Variants in PLAA observed in about 807,000 individuals in gnomAD.
PLAA encodes phospholipase A-2-activating protein.
In PLAA, 48 loss-of-function variants were observed where a neutral mutation model predicts 84.1. That is an observed-to-expected ratio of 0.57 (90% CI 0.45 to 0.73). The LOEUF is 0.73. Among genes scored for constraint, PLAA ranks in the 30% least tolerant of loss-of-function variants. The pLI, the probability that PLAA is intolerant of heterozygous loss-of-function variation, is 0.00. For synonymous variants in PLAA, 392 were observed against 336.6 expected (o/e 1.16, Z -1.80); for missense variants, 903 against 954.7 (o/e 0.95, Z 0.71).
chr9:26,915,188 G>T (rs1230251864), intron 10 of PLAA, among the ~76,000 whole-genome samples: 2 of 150,740 alleles, frequency 1.3e-5, no homozygotes, highest in African/African-American at 4.9e-5. Context: ...CTCCAGCCTG[G>T]GCAAGAAGAA....
In PLAA at chr9:26,916,555, T is replaced by C. The variant is rs926138908; in HGVS notation, c.1486+542A>G. ...TAGTTGGGTGGAATGTCTCCTTCCA[T>C]GTTAAGTCAAAATATGCCTGGGGAG... On this transcript the variant is annotated intron_variant, in intron 10 of 13. Coordinates refer to ENST00000397292, the MANE Select transcript of PLAA (RefSeq NM_001031689.3). 2.1e-5 allele frequency: 21 copies of C among 987,116 alleles called. No individual in the cohort carries two copies. The African/African-American group carries it at 3.3e-4, about 16-fold the overall frequency. 61.1% of individuals were successfully genotyped at this position (987,116 alleles called of 1,614,324 possible).
intron 7 of PLAA, among the ~76,000 whole-genome samples, chr9:26,920,650 G>C (rs564817236): frequency 6.6e-6 from 1 of 152,274 alleles, no homozygotes; most frequent in East Asian, 1.9e-4. Flanking sequence ...AGTTTTATTA[G>C]TGAATATATC....
At chr9:26,906,945 C>A (rs1228410717) in intron 13 of PLAA, among the ~76,000 whole-genome samples, 2 of 149,274 alleles carry the variant, frequency 1.3e-5, no homozygotes, top group Non-Finnish European at 3.0e-5. Context: ...AAAAAAAACA[C>A]CTACTGAACC....
chr9:26,938,554 TAAAA>T (rs34448526), intron 1 of PLAA, among the ~76,000 whole-genome samples: 2 of 114,636 alleles, frequency 1.7e-5, no homozygotes, highest in African/African-American at 3.3e-5. Flanking sequence ...CACCATTTCT[TAAAA>T]AAAAAAAAAA....
chr9:26,919,122 T>C lies in PLAA; in HGVS notation c.1417+188A>G, dbSNP rs147277959. 4.2e-3 allele frequency: 1,776 copies of C among 422,804 alleles called. 19 individuals carry two copies. Among genetic ancestry groups the C allele is most frequent in the African/African-American group, 0.031 (1,569 of 50,048 alleles). The allele number at this position is 422,804 out of a possible 1,614,324, so 26.2% of individuals were successfully genotyped here. Reference sequence around the variant, plus strand: ...ATTGTATTTTTGAAAGACAACAATTTACTATTATTTCTGTAAAATACAGAA... The same window carrying C: ...ATTGTATTTTTGAAAGACAACAATTCACTATTATTTCTGTAAAATACAGAA... On this transcript the variant is annotated intron_variant, in intron 9 of 13. Transcript: ENST00000397292.
At chr9:26,919,839 T>G (rs559754297) in intron 8 of PLAA, among the ~76,000 whole-genome samples, 1 of 152,218 alleles carries the variant, frequency 6.6e-6, no homozygotes, top group Non-Finnish European at 1.5e-5. Context: ...CAGCTGTTAC[T>G]GTGCCCTACT....
chr9:26,908,370 A>G (rs527874373), intron 12 of PLAA, among the ~76,000 whole-genome samples: 1 of 151,622 alleles, frequency 6.6e-6, no homozygotes, highest in Non-Finnish European at 1.5e-5. Flanking sequence ...GTTTCACCAC[A>G]TTAGCCAGGA....
intron 11 of PLAA, among the ~76,000 whole-genome samples, chr9:26,911,697 T>A (rs903601534): frequency 6.6e-6 from 1 of 152,198 alleles, no homozygotes; most frequent in Non-Finnish European, 1.5e-5. Context: ...TCAGCAATAT[T>A]CAATAAATAA....
At chr9:26,913,500 C>T (rs944044279) in intron 11 of PLAA, among the ~76,000 whole-genome samples, 1 of 152,152 alleles carries the variant, frequency 6.6e-6, no homozygotes, top group African/African-American at 2.4e-5. Flanking sequence ...TGAGAATAAA[C>T]ACAGACTTTG....
intron 13 of PLAA, 161 bp downstream of exon 13, chr9:26,907,673 A>G (rs1824279156): frequency 5.3e-6 from 3 of 563,582 alleles, no homozygotes; most frequent in Non-Finnish European, 6.1e-6. Flanking sequence ...CAAGATCATC[A>G]ATTCCAGTAG....
In PLAA at chr9:26,926,009, A is replaced by C. The variant is rs754104141; in HGVS notation, c.734-49T>G. The stretch of plus-strand genomic sequence containing the variant: ...TATTAGTTTGAATAAAATTAAGTAC[A>C]TTTATACATACCATCTTTCTAGATA... On this transcript the variant is annotated intron_variant, in intron 5 of 13. Transcript: ENST00000397292. 1.4e-5 allele frequency: 20 copies of C among 1,430,868 alleles called. 1 individual carries two copies. The African/African-American group carries it at 2.0e-4, about 14-fold the overall frequency. 88.6% of individuals were successfully genotyped at this position (1,430,868 alleles called of 1,614,324 possible).
chr9:26,940,960 C>T, intron 1 of PLAA, among the ~76,000 whole-genome samples: 1 of 151,970 alleles, frequency 6.6e-6, no homozygotes, highest in Non-Finnish European at 1.5e-5. Context: ...ACCACTAAAT[C>T]TACCCACTAT....
In PLAA at chr9:26,913,951, C is replaced by A. The variant is rs1223416521; in HGVS notation, c.1487-4G>T. 6.2e-7 allele frequency: 1 copy of A among 1,603,916 alleles called. No individual in the cohort carries two copies. Among genetic ancestry groups the A allele is most frequent in the Non-Finnish European group, 8.5e-7 (1 of 1,171,092 alleles). ...CCTGGTACATAACGACCAGCACCTACAATACAATAATACTCCTAGTAAGCA... is the reference window on the plus strand; with the variant it reads ...CCTGGTACATAACGACCAGCACCTAAAATACAATAATACTCCTAGTAAGCA... On this transcript the variant is annotated splice_region_variant and splice_polypyrimidine_tract_variant and intron_variant, in intron 10 of 13. Transcript: ENST00000397292.
At chr9:26,945,978 A>G (rs7035755) in intron 1 of PLAA, among the ~76,000 whole-genome samples, 17,053 of 152,234 alleles carry the variant, frequency 0.11, 1,090 homozygotes, top group South Asian at 0.23. Flanking sequence ...TATCTTCCCC[A>G]TCAGACTGTA....
chr9:26,907,797 T>G, intron 13 of PLAA, 37 bp downstream of exon 13: 2 of 1,544,398 alleles, frequency 1.3e-6, no homozygotes, highest in South Asian at 2.5e-5. Context: ...TAAAACTTCT[T>G]GCTTTCTGGT....
chr9:26,925,449 T>C (rs1010562400), intron 6 of PLAA, among the ~76,000 whole-genome samples: 1 of 152,236 alleles, frequency 6.6e-6, no homozygotes, highest in Admixed American at 6.5e-5. Context: ...CTCTTAGCTT[T>C]GACAAAAATT....
chr9:26,925,403 T>C (rs1824911793), intron 6 of PLAA, among the ~76,000 whole-genome samples: 2 of 152,258 alleles, frequency 1.3e-5, no homozygotes, highest in Non-Finnish European at 1.5e-5. Context: ...TCACTTCCTA[T>C]GCATGCTGCA....
At chr9:26,924,223 C>G (rs999369015) in intron 6 of PLAA, among the ~76,000 whole-genome samples, 4 of 152,094 alleles carry the variant, frequency 2.6e-5, no homozygotes, top group African/African-American at 9.7e-5. Flanking sequence ...CTCAAATTCC[C>G]GGGCCCAAGC....
chr9:26,903,662 TA>T lies in PLAA; in HGVS notation c.*1848del, dbSNP rs1281451018. 1.3e-5 allele frequency among the ~76,000 whole-genome samples: 2 copies of T among 152,196 alleles called. No homozygotes were observed. Among genetic ancestry groups the T allele is most frequent in the African/African-American group, 4.8e-5 (2 of 41,460 alleles). ...AAGTTTAACTAAAAAAGAAAATCTT[TA>T]AAATATCATTAAATTATTTAACATA... On this transcript the variant is annotated 3_prime_UTR_variant, in exon 14 of 14. Transcript: ENST00000397292.
Sources: gnomAD v4.1 joint callset for allele counts (sites outside exome capture counted in the v4.1 genomes callset) on GRCh38, gnomAD v4.1.1 for gene constraint, MANE v1.5 for transcripts, NCBI Gene and HGNC (gene_info 2026-07-23, HGNC 2026-07-21) for gene names.